GPC5: variants seen among roughly 807,000 people sequenced by gnomAD.
The protein encoded by GPC5 is glypican 5, also known as glypican-5.
GPC5 carries 47 observed loss-of-function variants against 53.9 expected under a neutral mutation model. The ratio of observed to expected loss-of-function variants is 0.87; its 90% confidence interval spans 0.69 to 1.11. GPC5 has a LOEUF of 1.11. Among genes scored for constraint, GPC5 ranks in the 50% most tolerant of loss-of-function variants. The probability of loss-of-function intolerance (pLI) is 0.00; values close to 1 mark genes in which losing one functional copy is unlikely to be tolerated. For synonymous variants in GPC5, 286 were observed against 263.3 expected, an observed-to-expected ratio of 1.09 and a Z score of -0.84; for missense variants, 748 against 713.1, an observed-to-expected ratio of 1.05 and a Z score of -0.56.
intron 5 of GPC5, among the ~76,000 whole-genome samples, chr13:91,833,913 G>A (rs563498162): frequency 6.6e-6 from 1 of 152,094 alleles, no homozygotes; most frequent in Non-Finnish European, 1.5e-5. Context: ...GCAAGAGAAA[G>A]AAATAAAGTG....
chr13:91,611,289 T>C (rs1359683775), intron 2 of GPC5, among the ~76,000 whole-genome samples: 1 of 152,168 alleles, frequency 6.6e-6, no homozygotes, highest in African/African-American at 2.4e-5. Flanking sequence ...TTATAACAAC[T>C]CTCGGAGTGG....
rs535810049 is a variant in GPC5, at chr13:91,757,919, A to G, written c.1280+1499A>G. Among the ~76,000 whole-genome samples, 3 of 152,300 alleles carry G rather than the reference A, an allele frequency of 2.0e-5. No homozygotes were observed. The East Asian group carries it at 5.8e-4, about 29-fold the overall frequency. On this transcript the variant is annotated intron_variant, in intron 5 of 7. Transcript: ENST00000377067. The stretch of plus-strand genomic sequence containing the variant: ...ATAATCAATTTTAATAGAAATTTAT[A>G]TAACTAAGCCACTTATATATTTCTG...
intron 7 of GPC5, among the ~76,000 whole-genome samples, chr13:92,178,116 C>A (rs2042121352): frequency 6.6e-6 from 1 of 152,114 alleles, no homozygotes; most frequent in Non-Finnish European, 1.5e-5. Context: ...CGAAGGGATG[C>A]CGCAAAGGGA....
At chr13:91,652,977 G>A (rs533806289) in intron 2 of GPC5, among the ~76,000 whole-genome samples, 3 of 152,268 alleles carry the variant, frequency 2.0e-5, no homozygotes, top group South Asian at 2.1e-4. Flanking sequence ...GCTGATCAAC[G>A]TATAACCTGC....
At chr13:92,567,114 A>C (rs1202001306) in intron 7 of GPC5, among the ~76,000 whole-genome samples, 2 of 152,118 alleles carry the variant, frequency 1.3e-5, no homozygotes, top group African/African-American at 2.4e-5. Flanking sequence ...CTTTACCCAC[A>C]TCAGGTATTC....
At position 91,578,280 on chromosome 13, in the gene GPC5, A is replaced by G. The variant is rs556205383; in HGVS notation, c.326-114907A>G. On this transcript the variant is annotated intron_variant, in intron 2 of 7. Coordinates refer to ENST00000377067, the MANE Select transcript of GPC5 (RefSeq NM_004466.6). ...TCATGAGAGACCCTAGTCTAGAACC[A>G]TGTAGCAAAACTGCTCCCAAATTCC... 2.0e-5 allele frequency among the ~76,000 whole-genome samples: 3 copies of G among 152,340 alleles called. No homozygotes were observed. In the South Asian group the frequency reaches 6.2e-4, roughly 32 times the overall value.
rs575657481 is a variant in GPC5, at chr13:91,696,034, A to G, written c.1020+2153A>G. Among the ~76,000 whole-genome samples the G allele has an allele frequency of 5.3e-5, 8 of 152,308 alleles. No individual in the cohort carries two copies. The South Asian group carries it at 1.2e-3, about 24-fold the overall frequency. On this transcript the variant is annotated intron_variant, in intron 3 of 7. Transcript: ENST00000377067. Reference sequence around the variant, plus strand: ...TAAAACCCTTAAGCCTGTTTGTCCTATGTGAAAAGGAAGGGAGGAATAACT... The same window carrying G: ...TAAAACCCTTAAGCCTGTTTGTCCTGTGTGAAAAGGAAGGGAGGAATAACT...
intron 2 of GPC5, among the ~76,000 whole-genome samples, chr13:91,481,711 T>C (rs191472070): frequency 6.6e-6 from 1 of 152,176 alleles, no homozygotes; most frequent in African/African-American, 2.4e-5. Flanking sequence ...TAAAGTGATC[T>C]CATAGCACCT....
At chr13:92,246,719 C>T (rs573465422) in intron 7 of GPC5, among the ~76,000 whole-genome samples, 11 of 152,044 alleles carry the variant, frequency 7.2e-5, no homozygotes, top group African/African-American at 1.4e-4. Flanking sequence ...TTTTCAAATC[C>T]GGTCACGGGC....
At chr13:92,183,038 G>C (rs1465517215) in intron 7 of GPC5, among the ~76,000 whole-genome samples, 1 of 152,092 alleles carries the variant, frequency 6.6e-6, no homozygotes, top group Non-Finnish European at 1.5e-5. Flanking sequence ...ATATATACTA[G>C]TATGTACTTT....
chr13:91,981,577 C>G (rs1216619775), intron 6 of GPC5, among the ~76,000 whole-genome samples: 2 of 152,202 alleles, frequency 1.3e-5, no homozygotes, highest in Non-Finnish European at 2.9e-5. Context: ...GCGTGAGCCA[C>G]CGCGCCCGAC....
At chr13:91,411,052 T>C (rs1475456320) in intron 1 of GPC5, among the ~76,000 whole-genome samples, 1 of 152,184 alleles carries the variant, frequency 6.6e-6, no homozygotes, top group Admixed American at 6.5e-5. Context: ...GAGGTTGCAG[T>C]GACCCAAGAT....
intron 1 of GPC5, among the ~76,000 whole-genome samples, chr13:91,424,115 G>A (rs78225319): frequency 6.6e-6 from 1 of 152,220 alleles, no homozygotes; most frequent in South Asian, 2.1e-4. Flanking sequence ...ATCTGATGTT[G>A]AATTTCTGGA....
intron 7 of GPC5, among the ~76,000 whole-genome samples, chr13:92,294,502 A>G (rs1390681435): frequency 2.0e-5 from 3 of 152,200 alleles, no homozygotes; most frequent in Non-Finnish European, 2.9e-5. Context: ...TGTTCATAGT[A>G]GCCTTGAGTG....
intron 6 of GPC5, among the ~76,000 whole-genome samples, chr13:92,066,728 G>T (rs1282807466): frequency 6.6e-6 from 1 of 152,080 alleles, no homozygotes; most frequent in East Asian, 1.9e-4. Context: ...ATACTATCAA[G>T]ATATTTTCTT....
rs988534268 is a variant in GPC5, at chr13:91,907,482, ACT to A, written c.1281-436_1281-435del. Among the ~76,000 whole-genome samples the A allele has an allele frequency of 9.9e-4, 103 of 104,272 alleles. 2 individuals carry two copies. The highest frequency in any genetic ancestry group is 3.7e-3 in the African/African-American group (94 of 25,110). The allele number at this position is 104,272 out of a possible 152,430, so 68.4% of individuals were successfully genotyped here. A position where few individuals can be genotyped will look rare whatever the true frequency, so the allele number is the denominator to read the frequency against. On this transcript the variant is annotated intron_variant, in intron 5 of 7. Coordinates refer to ENST00000377067, the MANE Select transcript of GPC5 (RefSeq NM_004466.6). ...CTATATAATATAGATATATTAGGCT[ACT>A]CTCTCTCTCTCTCTCTCTTTATATA...
intron 7 of GPC5, among the ~76,000 whole-genome samples, chr13:92,441,133 ACGATCTCGGCTCACTG>A (rs1258291623): frequency 6.6e-6 from 1 of 152,006 alleles, no homozygotes; most frequent in Non-Finnish European, 1.5e-5. Flanking sequence ...GTGCAGTGGC[ACGATCTCGGCTCACTG>A]CAACCTCTGC....
chr13:91,701,294 C>G (rs1197896852), intron 3 of GPC5, among the ~76,000 whole-genome samples: 1 of 152,076 alleles, frequency 6.6e-6, no homozygotes, highest in African/African-American at 2.4e-5. Flanking sequence ...TACAATAGAT[C>G]TCCAGAACTC....
intron 5 of GPC5, among the ~76,000 whole-genome samples, chr13:91,802,375 T>G (rs1185871169): frequency 6.6e-6 from 1 of 152,170 alleles, no homozygotes; most frequent in Non-Finnish European, 1.5e-5. Context: ...TCTCACTGAC[T>G]TCAGGAATGA....
Sources: allele counts gnomAD v4.1 joint callset (sites outside exome capture counted in the v4.1 genomes callset), GRCh38; gene constraint gnomAD v4.1.1; transcripts MANE v1.5; gene names NCBI Gene and HGNC (gene_info 2026-07-23, HGNC 2026-07-21).